SLC6A19: variants seen among roughly 807,000 people sequenced by gnomAD.
The protein encoded by SLC6A19 is sodium-dependent neutral amino acid transporter B(0)AT1.
SLC6A19 carries 67 observed loss-of-function variants against 68.3 expected under a neutral mutation model. The ratio of observed to expected loss-of-function variants is 0.98; its 90% CI spans 0.81 to 1.20. The LOEUF is 1.20. Ranked by LOEUF, SLC6A19 falls within the 50% of genes most tolerant of loss-of-function variation. The probability of loss-of-function intolerance (pLI) is 0.00; values close to 1 mark genes in which losing one functional copy is unlikely to be tolerated. For missense variants in SLC6A19, 813 were observed against 851.6 expected (o/e 0.95, Z 0.56); for synonymous variants, 392 against 374.9 (o/e 1.05, Z -0.53).
In SLC6A19 at chr5:1,222,219, T is replaced by C. The variant is rs903132291; in HGVS notation, c.*315T>C. 8.5e-6 allele frequency: 5 copies of C among 587,250 alleles called. No individual in the cohort carries two copies. In the African/African-American group the frequency reaches 9.3e-5, roughly 11 times the overall value. The allele number at this position is 587,250 out of a possible 1,614,324, so 36.4% of individuals were successfully genotyped here. ...TGTGCATGTACATGTATGGACATTG[T>C]GTGAGTGTGCAAGTGTGCATGCATA... On this transcript the variant is annotated 3_prime_UTR_variant, in exon 12 of 12. Coordinates refer to ENST00000304460, the MANE Select transcript of SLC6A19 (RefSeq NM_001003841.3).
intron 1 of SLC6A19, among the ~76,000 whole-genome samples, chr5:1,204,551 G>T (rs12515098): frequency 0.4 from 61,382 of 152,122 alleles, 13,306 homozygotes; most frequent in Non-Finnish European, 0.5. Flanking sequence ...CCGCAGTGCC[G>T]GTGGCGCAGG....
chr5:1,221,695 C>T lies in SLC6A19; in HGVS notation c.1702-6C>T, dbSNP rs975684131. On this transcript the variant is annotated splice_polypyrimidine_tract_variant and splice_region_variant and intron_variant, in intron 11 of 11. Transcript: ENST00000304460. ...TGCCTACTCACCCATGGGGCTCTCT[C>T]CCCAGGAGGAATTTCCCAAATCCCA... is the stretch of plus-strand genomic sequence containing the variant. The T allele has an allele frequency of 6.2e-7, 1 of 1,613,874 alleles. No homozygotes were observed. The highest frequency in any genetic ancestry group is 8.5e-7 in the Non-Finnish European group (1 of 1,179,872).
Position 1,214,535 on chromosome 5 carries a change from A to C in SLC6A19, c.887+470A>C, listed in dbSNP as rs1746150727. Reference sequence around the variant, plus strand: ...GAAGGATGCATACCCTGGAGTCCCCAGCAGCGTCTGGGAGGAGCACAGCTG... The same window carrying C: ...GAAGGATGCATACCCTGGAGTCCCCCGCAGCGTCTGGGAGGAGCACAGCTG... On this transcript the variant is annotated intron_variant, in intron 6 of 11. Coordinates refer to ENST00000304460, the MANE Select transcript of SLC6A19 (RefSeq NM_001003841.3). The surrounding 1 kb of genome is among the most constrained non-coding windows in gnomAD (Gnocchi z 7.4). 6.6e-6 allele frequency among the ~76,000 whole-genome samples: 1 copy of C among 152,124 alleles called. No individual in the cohort carries two copies. The highest frequency in any genetic ancestry group is 1.5e-5 in the Non-Finnish European group (1 of 68,018).
intron 1 of SLC6A19, among the ~76,000 whole-genome samples, chr5:1,207,110 G>A (rs549296877): frequency 3.3e-5 from 5 of 152,340 alleles, no homozygotes; most frequent in South Asian, 4.1e-4. Flanking sequence ...GGCCAGCCTC[G>A]GAAGCCGGGC....
Position 1,212,233 on chromosome 5 carries a change from G to C in SLC6A19, c.482-70G>C. The C allele has an allele frequency of 6.3e-7, 1 of 1,597,260 alleles. No individual in the cohort carries two copies. On this transcript the variant is annotated intron_variant, in intron 3 of 11. Coordinates refer to ENST00000304460, the MANE Select transcript of SLC6A19 (RefSeq NM_001003841.3). The surrounding 1 kb of genome is among the most constrained non-coding windows in gnomAD (Gnocchi z 5.1). Reference sequence around the variant, plus strand: ...TGGAACGTGGCTGGCATTTCTTCCAGCTCAGGGCCTTCCATTCTCCTCCCT... The same window carrying C: ...TGGAACGTGGCTGGCATTTCTTCCACCTCAGGGCCTTCCATTCTCCTCCCT...
At chr5:1,218,455 G>A (rs896521510) in intron 8 of SLC6A19, among the ~76,000 whole-genome samples, 7 of 152,390 alleles carry the variant, frequency 4.6e-5, no homozygotes, top group Non-Finnish European at 4.4e-5. Context: ...CCGGGTGGTT[G>A]CGCCTTGGTG....
At chr5:1,216,708 C>T (rs776183798) in intron 7 of SLC6A19, 22 bp downstream of exon 7, 2 of 1,613,728 alleles carry the variant, frequency 1.2e-6, no homozygotes, top group South Asian at 1.1e-5. Flanking sequence ...TCCCACCATC[C>T]TGGTGCCTTG....
Position 1,209,081 on chromosome 5 carries a change from G to A in SLC6A19, c.343+195G>A, listed in dbSNP as rs1313814832. ...ACTCCAGGCCACTCCTGTTCACCAG[G>A]AACCAGACAGGCCAGCAGAGGCCGC... On this transcript the variant is annotated intron_variant, in intron 2 of 11. Coordinates refer to ENST00000304460, the MANE Select transcript of SLC6A19 (RefSeq NM_001003841.3). The surrounding 1 kb of genome is among the most constrained non-coding windows in gnomAD (Gnocchi z 5.5). Among the ~76,000 whole-genome samples the A allele has an allele frequency of 6.6e-6, 1 of 152,192 alleles. No homozygotes were observed. Among genetic ancestry groups the A allele is most frequent in the African/African-American group, 2.4e-5 (1 of 41,454 alleles).
rs367781066 is a variant in SLC6A19 at position 1,210,775 on chromosome 5, G to A, written c.481+194G>A. Reference sequence around the variant, plus strand: ...GCTCTTGTGTGGGGGGCGTGGTGGAGGATGAGACCCTTGGGAGGAAAGCGT... The same window carrying A: ...GCTCTTGTGTGGGGGGCGTGGTGGAAGATGAGACCCTTGGGAGGAAAGCGT... On this transcript the variant is annotated intron_variant, in intron 3 of 11. Transcript: ENST00000304460. Among the ~76,000 whole-genome samples, 82 of 152,346 alleles carry A rather than the reference G, an allele frequency of 5.4e-4. 3 individuals are homozygous for A. The South Asian group carries it at 0.014, about 27-fold the overall frequency.
At chr5:1,210,803 G>A (rs1357881834) in intron 3 of SLC6A19, among the ~76,000 whole-genome samples, 1 of 152,204 alleles carries the variant, frequency 6.6e-6, no homozygotes, top group African/African-American at 2.4e-5. Flanking sequence ...GAAAGCGTGG[G>A]AGCCCGGGGG....
At chr5:1,204,335 C>T (rs1326196668) in intron 1 of SLC6A19, among the ~76,000 whole-genome samples, 1 of 152,362 alleles carries the variant, frequency 6.6e-6, no homozygotes, top group East Asian at 1.9e-4. Flanking sequence ...AACTCAGCCG[C>T]CCCACTCACC....
At chr5:1,218,707 C>G (rs1291923627) in intron 8 of SLC6A19, among the ~76,000 whole-genome samples, 196 bp from the exon 9 acceptor site, 2 of 152,214 alleles carry the variant, frequency 1.3e-5, no homozygotes, top group African/African-American at 4.8e-5. Context: ...TGATGGGATC[C>G]ACGTGCTGGT....
At position 1,210,517 on chromosome 5, in the gene SLC6A19, C is replaced by G; in HGVS notation, c.417C>G (p.Tyr139Ter). The change falls in exon 3 of 12, where the codon TAC (tyrosine) becomes TAG (stop). Residue 139 changes from tyrosine to a stop codon, truncating the protein, a stop_gained. Coordinates refer to ENST00000304460, the MANE Select transcript of SLC6A19 (RefSeq NM_001003841.3). LOFTEE classifies it high-confidence loss of function. ...CCATCATCTCCTGGATCATGTGGTACTTATTCAACTCCTTCCAGGAGCCTC... is the reference window on the plus strand; with the variant it reads ...CCATCATCTCCTGGATCATGTGGTAGTTATTCAACTCCTTCCAGGAGCCTC... The part of the protein sequence containing the change: ...YNTIISWIMW[Y>*]LFNSFQEPLP... 1 of 1,613,510 alleles carries G rather than the reference C, an allele frequency of 6.2e-7. No individual in the cohort carries two copies. Among genetic ancestry groups the G allele is most frequent in the South Asian group, 1.1e-5 (1 of 91,084 alleles).
At chr5:1,202,498 C>T (rs1251109411) in intron 1 of SLC6A19, among the ~76,000 whole-genome samples, 1 of 152,210 alleles carries the variant, frequency 6.6e-6, no homozygotes, top group African/African-American at 2.4e-5. Context: ...GCCCAGTGGT[C>T]CTGAGCATCT....
intron 1 of SLC6A19, among the ~76,000 whole-genome samples, chr5:1,208,187 A>C (rs1478930779): frequency 6.6e-6 from 1 of 152,204 alleles, no homozygotes; most frequent in African/African-American, 2.4e-5. Context: ...AACGGTCCCC[A>C]TTAAACCCTA....
Position 1,222,213 on chromosome 5 carries a change from A to G in SLC6A19, c.*309A>G, listed in dbSNP as rs1371326110. On this transcript the variant is annotated 3_prime_UTR_variant, in exon 12 of 12. Coordinates refer to ENST00000304460, the MANE Select transcript of SLC6A19 (RefSeq NM_001003841.3). ...TGTGTGTGTGCATGTACATGTATGGACATTGTGTGAGTGTGCAAGTGTGCA... is the reference window on the plus strand; with the variant it reads ...TGTGTGTGTGCATGTACATGTATGGGCATTGTGTGAGTGTGCAAGTGTGCA... 5.1e-6 allele frequency: 3 copies of G among 587,356 alleles called. No homozygotes were observed. Among genetic ancestry groups the G allele is most frequent in the South Asian group, 2.1e-5 (1 of 46,926 alleles). 36.4% of individuals were successfully genotyped at this position (587,356 alleles called of 1,614,324 possible).
At position 1,221,423 on chromosome 5, in the gene SLC6A19, A is replaced by G. The variant is rs573204260; in HGVS notation, c.1701+110A>G. ...ACACACAATACACACACCCACACAC[A>G]TGGGCACACACACTCACACTCAGGT... On this transcript the variant is annotated intron_variant, in intron 11 of 11. Transcript: ENST00000304460. The G allele has an allele frequency of 5.2e-6, 7 of 1,350,664 alleles. No individual in the cohort carries two copies. The East Asian group carries it at 9.5e-5, about 18-fold the overall frequency. The allele number at this position is 1,350,664 out of a possible 1,614,324, so 83.7% of individuals were successfully genotyped here.
intron 8 of SLC6A19, among the ~76,000 whole-genome samples, chr5:1,218,443 G>A (rs898596025): frequency 3.9e-5 from 6 of 152,378 alleles, no homozygotes; most frequent in South Asian, 2.1e-4. Flanking sequence ...AGCAGAAGGC[G>A]TCCGGGTGGT....
At chr5:1,220,318 G>A (rs1034061798) in intron 10 of SLC6A19, among the ~76,000 whole-genome samples, 7 of 150,808 alleles carry the variant, frequency 4.6e-5, no homozygotes, top group Non-Finnish European at 5.9e-5. Flanking sequence ...GCTGAGGCAG[G>A]AGAATCGCTT....
Sources: allele counts gnomAD v4.1 joint callset (sites outside exome capture counted in the v4.1 genomes callset), GRCh38; gene constraint gnomAD v4.1.1; non-coding constraint Gnocchi (gnomAD v3.1); transcripts MANE v1.5; gene names NCBI Gene and HGNC (gene_info 2026-07-23, HGNC 2026-07-21).